Variants in ASCC3 observed in about 807,000 individuals in gnomAD.
The protein encoded by ASCC3 is ASC-1 complex subunit P200.
In ASCC3, 158 loss-of-function variants were observed where a neutral mutation model predicts 256.3. That is an observed-to-expected ratio of 0.62 (90% CI 0.54 to 0.70). ASCC3 has a LOEUF of 0.70. Ranked by LOEUF, ASCC3 falls within the 30% of genes least tolerant of loss-of-function variation. The pLI is 0.00. For synonymous variants in ASCC3, 948 were observed against 883.4 expected (o/e 1.07, Z -1.30); for missense variants, 2,259 against 2,626.0 (o/e 0.86, Z 3.05).
chr6:100,720,670 C>A (rs989294067), intron 11 of ASCC3, among the ~76,000 whole-genome samples: 1 of 151,618 alleles, frequency 6.6e-6, no homozygotes, highest in East Asian at 1.9e-4. Context: ...TAGTCTTTAA[C>A]GTCCAGCTAA....
intron 13 of ASCC3, among the ~76,000 whole-genome samples, chr6:100,692,375 T>C (rs1777884553): frequency 1.3e-5 from 2 of 152,086 alleles, no homozygotes; most frequent in Admixed American, 1.3e-4. Flanking sequence ...TTTTTAAAAA[T>C]TTATAAATGC....
chr6:100,573,710 GACTT>G (rs1481720208), intron 36 of ASCC3, among the ~76,000 whole-genome samples: 6 of 151,982 alleles, frequency 3.9e-5, no homozygotes, highest in African/African-American at 1.4e-4. Context: ...ACTAAGCAGA[GACTT>G]ACTACCGATA....
intron 18 of ASCC3, 33 bp from the exon 19 acceptor site, chr6:100,651,679 A>C (rs41288407): frequency 0.023 from 26,702 of 1,155,256 alleles, 486 homozygotes; most frequent in African/African-American, 0.057. Context: ...TGATTAAAAT[A>C]AAAATATTTT....
chr6:100,802,860 T>G (rs1301575993), intron 5 of ASCC3, among the ~76,000 whole-genome samples: 1 of 151,754 alleles, frequency 6.6e-6, no homozygotes, highest in Non-Finnish European at 1.5e-5. Context: ...TTTTTTTAAT[T>G]AACCAGGCAT....
In ASCC3 at chr6:100,655,694, T is replaced by C; in HGVS notation, c.2823+5A>G. ...AATTTTTTTTTTAATAAATGAGTTT[T>C]CTACCTGATAAGCCTTGTGACTGAT... On this transcript the variant is annotated splice_donor_5th_base_variant and intron_variant, in intron 17 of 41. Transcript: ENST00000369162. 1 of 1,609,622 alleles carries C rather than the reference T, an allele frequency of 6.2e-7. No homozygotes were observed. The highest frequency in any genetic ancestry group is 8.5e-7 in the Non-Finnish European group (1 of 1,178,794).
At chr6:100,845,149 C>G (rs1404230602) in intron 4 of ASCC3, among the ~76,000 whole-genome samples, 1 of 152,002 alleles carries the variant, frequency 6.6e-6, no homozygotes, top group Non-Finnish European at 1.5e-5. Context: ...AACTTCAGTG[C>G]GCCTGTGTAC....
chr6:100,794,660 G>A (rs1396324731), intron 8 of ASCC3, among the ~76,000 whole-genome samples: 1 of 151,982 alleles, frequency 6.6e-6, no homozygotes, highest in African/African-American at 2.4e-5. Flanking sequence ...CAAGAAGCTA[G>A]GCTCATAGAA....
chr6:100,675,074 C>T (rs1776942999), intron 14 of ASCC3, among the ~76,000 whole-genome samples: 2 of 151,568 alleles, frequency 1.3e-5, no homozygotes, highest in South Asian at 2.1e-4. Context: ...TATGAGGTTA[C>T]CTCCCTTTGA....
intron 14 of ASCC3, among the ~76,000 whole-genome samples, chr6:100,666,151 T>G (rs1404989788): frequency 6.6e-6 from 1 of 152,158 alleles, no homozygotes; most frequent in Non-Finnish European, 1.5e-5. Flanking sequence ...CAATATCTCA[T>G]TCCTTTTTAT....
At chr6:100,651,327 T>A (rs1775659594) in intron 19 of ASCC3, among the ~76,000 whole-genome samples, 1 of 151,922 alleles carries the variant, frequency 6.6e-6, no homozygotes, top group African/African-American at 2.4e-5. Context: ...AACAGTTTCA[T>A]TACTGCAAAA....
At position 100,658,446 on chromosome 6, in the gene ASCC3, C is replaced by T. The variant is rs239228; in HGVS notation, c.2704-2628G>A. On this transcript the variant is annotated intron_variant, in intron 16 of 41. Coordinates refer to ENST00000369162, the MANE Select transcript of ASCC3 (RefSeq NM_006828.4). ...ACTCTAATCATCATGAGTATGCATG[C>T]GTGTGTATATATGTATATATAAGCT... Among the ~76,000 whole-genome samples, 516 of 151,154 alleles carry T rather than the reference C, an allele frequency of 3.4e-3. 2 individuals are homozygous for T. The highest frequency in any genetic ancestry group is 0.011 in the African/African-American group (447 of 41,376).
At chr6:100,540,517 GT>G in intron 36 of ASCC3, 130 bp from the exon 37 acceptor site, 1 of 771,438 alleles carries the variant, frequency 1.3e-6, no homozygotes, top group South Asian at 1.6e-5. Context: ...AATTTTGCTT[GT>G]TCAATATTAT....
chr6:100,593,681 G>C (rs1399146144), intron 34 of ASCC3, among the ~76,000 whole-genome samples: 1 of 152,058 alleles, frequency 6.6e-6, no homozygotes, highest in Non-Finnish European at 1.5e-5. Context: ...ACTGTCAGTA[G>C]TGGGAAGTCA....
intron 37 of ASCC3, among the ~76,000 whole-genome samples, chr6:100,536,472 C>T (rs1220252451): frequency 1.3e-5 from 2 of 152,120 alleles, no homozygotes; most frequent in Non-Finnish European, 2.9e-5. Flanking sequence ...CAATGGAATG[C>T]AGCAAGCACC....
intron 14 of ASCC3, among the ~76,000 whole-genome samples, chr6:100,676,762 TCACACACA>T (rs75606780): frequency 1.2e-4 from 18 of 150,730 alleles, no homozygotes; most frequent in South Asian, 2.1e-4. Context: ...ACACACACAC[TCACACACA>T]CACACACACA....
intron 24 of ASCC3, 108 bp from the exon 25 acceptor site, chr6:100,638,929 G>A: frequency 5.2e-6 from 5 of 964,640 alleles, no homozygotes; most frequent in Non-Finnish European, 6.4e-6. Flanking sequence ...CTTAGACAAG[G>A]AGAAAAAACA....
chr6:100,638,697 A>G lies in ASCC3; in HGVS notation c.4026T>C (p.Asp1342=), dbSNP rs766435415. ...TAGGTGCTCCAAGTAGGACATTACA[A>G]TCCGTGTGATACAATGTATGAAATA... ...TQIFHTLYHT[D]CNVLLGAPTG... Residue 1342 remains aspartate (D), a synonymous_variant, in exon 25 of 42, where the codon GAT becomes GAC. Coordinates refer to ENST00000369162, the MANE Select transcript of ASCC3 (RefSeq NM_006828.4). The G allele has an allele frequency of 6.2e-7, 1 of 1,614,062 alleles. No individual in the cohort carries two copies. The highest frequency in any genetic ancestry group is 8.5e-7 in the Non-Finnish European group (1 of 1,179,944).
At chr6:100,796,840 T>C (rs1480978270) in intron 8 of ASCC3, among the ~76,000 whole-genome samples, 1 of 152,138 alleles carries the variant, frequency 6.6e-6, no homozygotes, top group Non-Finnish European at 1.5e-5. Flanking sequence ...TAAATGTCCT[T>C]CAGTAGGTGA....
chr6:100,633,340 GTA>G, intron 25 of ASCC3, among the ~76,000 whole-genome samples: 1 of 152,186 alleles, frequency 6.6e-6, no homozygotes, highest in South Asian at 2.1e-4. Flanking sequence ...GACTGTGGCA[GTA>G]TCACGGTGCT....
Sources: gnomAD v4.1 joint callset for allele counts (sites outside exome capture counted in the v4.1 genomes callset) on GRCh38, gnomAD v4.1.1 for gene constraint, MANE v1.5 for transcripts, NCBI Gene and HGNC (gene_info 2026-07-23, HGNC 2026-07-21) for gene names.